TTC6: variants seen among roughly 807,000 people sequenced by gnomAD.
The protein encoded by TTC6 is tetratricopeptide repeat protein 6.
A neutral mutation model predicts 210.4 loss-of-function variants in TTC6; 172 were observed. That is an observed-to-expected ratio of 0.82 (90% CI 0.72 to 0.93). TTC6 has a LOEUF of 0.93. Ranked by LOEUF, TTC6 falls within the 40% of genes least tolerant of loss-of-function variation. The pLI is 0.00. For missense variants in TTC6, 2,414 were observed against 2,318.1 expected (o/e 1.04, Z -0.85); for synonymous variants, 804 against 819.6 (o/e 0.98, Z 0.32).
At chr14:37,661,054 T>G (rs996180719) in intron 1 of TTC6, among the ~76,000 whole-genome samples, 7 of 152,220 alleles carry the variant, frequency 4.6e-5, no homozygotes, top group African/African-American at 1.7e-4. Context: ...CTTGTAAATT[T>G]GTTTGAGTTC....
chr14:37,713,776 G>A, intron 5 of TTC6, among the ~76,000 whole-genome samples: 1 of 152,054 alleles, frequency 6.6e-6, no homozygotes, highest in East Asian at 1.9e-4. Flanking sequence ...AGGTATCATG[G>A]GATTTGAGGA....
intron 10 of TTC6, 68 bp from the exon 13 acceptor site, chr14:37,748,871 G>A (rs1327042015): frequency 7.9e-7 from 1 of 1,263,218 alleles, no homozygotes; most frequent in East Asian, 2.6e-5. Context: ...GTGTGGCTGA[G>A]TTGATTTACT....
intron 29 of TTC6, among the ~76,000 whole-genome samples, chr14:37,838,447 C>T (rs1190045765): frequency 6.6e-6 from 1 of 152,164 alleles, no homozygotes; most frequent in Non-Finnish European, 1.5e-5. Context: ...GTTTTGCAGA[C>T]TAACTTGAGG....
At chr14:37,749,913 T>A in intron 12 of TTC6, 70 bp downstream of exon 14, 1 of 1,044,650 alleles carries the variant, frequency 9.6e-7, no homozygotes, top group South Asian at 4.0e-5. Context: ...ATTGGTACTA[T>A]AAGGATACAT....
intron 10 of TTC6, among the ~76,000 whole-genome samples, chr14:37,745,800 A>G (rs2095934215): frequency 6.6e-6 from 1 of 152,154 alleles, no homozygotes; most frequent in African/African-American, 2.4e-5. Flanking sequence ...TTTCAGGGAA[A>G]ATTCACTGTG....
At chr14:37,726,132 T>C (rs1457418151) in intron 7 of TTC6, among the ~76,000 whole-genome samples, 2 of 152,302 alleles carry the variant, frequency 1.3e-5, no homozygotes, top group Middle Eastern at 3.4e-3. Flanking sequence ...TGAGCATCAT[T>C]GTACATAAAT....
chr14:37,708,541 A>T (rs1595133777), intron 5 of TTC6, among the ~76,000 whole-genome samples: 1 of 152,040 alleles, frequency 6.6e-6, no homozygotes, highest in East Asian at 1.9e-4. Context: ...CTTTTATTAT[A>T]TTCTACTGCT....
chr14:37,641,936 T>C (rs1216316279), intron 1 of TTC6, among the ~76,000 whole-genome samples: 1 of 152,232 alleles, frequency 6.6e-6, no homozygotes, highest in Non-Finnish European at 1.5e-5. Context: ...AGACTGGAAC[T>C]ATTTAGTTCT....
At chr14:37,614,877 A>C (rs1226040460) in intron 2 of TTC6, among the ~76,000 whole-genome samples, 2 of 151,964 alleles carry the variant, frequency 1.3e-5, no homozygotes, top group Non-Finnish European at 2.9e-5. Context: ...CTCCCACGTA[A>C]CTGGGATTAC....
chr14:37,749,587 G>T (rs1047001762), intron 11 of TTC6, 127 bp from the exon 14 acceptor site: 1 of 1,028,028 alleles, frequency 9.7e-7, no homozygotes, highest in South Asian at 3.3e-5. Context: ...TTGTCAGATT[G>T]GGAGGTTTTA....
chr14:37,795,923 A>C (rs915333044), intron 18 of TTC6, among the ~76,000 whole-genome samples: 1 of 152,134 alleles, frequency 6.6e-6, no homozygotes, highest in Non-Finnish European at 1.5e-5. Context: ...TGCTTTACTG[A>C]TAAGGGCTTG....
At chr14:37,659,325 G>A (rs1370940314) in intron 1 of TTC6, among the ~76,000 whole-genome samples, 1 of 152,054 alleles carries the variant, frequency 6.6e-6, no homozygotes, top group African/African-American at 2.4e-5. Flanking sequence ...GGGTTGAATG[G>A]TAGTTCTGTT....
intron 14 of TTC6, among the ~76,000 whole-genome samples, chr14:37,770,496 G>C (rs1183259492): frequency 6.6e-6 from 1 of 151,596 alleles, no homozygotes; most frequent in African/African-American, 2.4e-5. Flanking sequence ...CCTGTATTGG[G>C]TGCATATATA....
At chr14:37,621,975 T>G, upstream of TTC6, 2 of 979,176 alleles carry the variant, frequency 2.0e-6, no homozygotes, top group Non-Finnish European at 2.9e-6. Flanking sequence ...AGCTGAAATT[T>G]TATTCCAGTT....
chr14:37,618,345 C>T (rs142949449), upstream of TTC6, among the ~76,000 whole-genome samples: 243 of 152,316 alleles, frequency 1.6e-3, no homozygotes, highest in African/African-American at 5.4e-3. Flanking sequence ...GGCCTTGAAC[C>T]TTCTGGCAGA....
At chr14:37,659,174 C>G (rs177881) in intron 1 of TTC6, among the ~76,000 whole-genome samples, 9,296 of 152,152 alleles carry the variant, frequency 0.061, 398 homozygotes, top group Non-Finnish European at 0.089. Flanking sequence ...TCTTTATTCA[C>G]TCTACCATTG....
intron 1 of TTC6, among the ~76,000 whole-genome samples, chr14:37,606,222 TGG>T (rs1164328323): frequency 2.0e-5 from 3 of 152,162 alleles, no homozygotes; most frequent in Non-Finnish European, 4.4e-5. Context: ...TGTGGATCAA[TGG>T]CAGTACAGGC....
At chr14:37,760,165 A>T (rs2095979828) in intron 14 of TTC6, among the ~76,000 whole-genome samples, 1 of 151,934 alleles carries the variant, frequency 6.6e-6, no homozygotes, top group Non-Finnish European at 1.5e-5. Flanking sequence ...GAGGCTGATG[A>T]CCTTTGGATG....
chr14:37,613,079 A>T (rs541769337), intron 2 of TTC6, among the ~76,000 whole-genome samples: 1 of 152,284 alleles, frequency 6.6e-6, no homozygotes, highest in Admixed American at 6.5e-5. Flanking sequence ...GGGGGAAAGC[A>T]TAAATATAAT....
Sources: gnomAD v4.1 joint callset for allele counts (sites outside exome capture counted in the v4.1 genomes callset) on GRCh38, gnomAD v4.1.1 for gene constraint, MANE v1.5 for transcripts, NCBI Gene and HGNC (gene_info 2026-07-23, HGNC 2026-07-21) for gene names.